SLC12A3: variants seen among roughly 807,000 people sequenced by gnomAD.
SLC12A3 encodes the protein solute carrier family 12 member 3.
A neutral mutation model predicts 121.0 loss-of-function variants in SLC12A3; 104 were observed. The observed-to-expected ratio is 0.86, with a 90% CI of 0.73 to 1.01. The LOEUF (loss-of-function observed/expected upper bound fraction) is 1.01, where lower values mean the gene tolerates loss of function less well. Ranked by LOEUF, SLC12A3 falls within the 50% of genes least tolerant of loss-of-function variation. SLC12A3 has a pLI of 0.00. For missense variants in SLC12A3, 1,328 were observed against 1,356.3 expected (o/e 0.98, Z 0.33); for synonymous variants, 536 against 533.4 (o/e 1.00, Z -0.07).
intron 10 of SLC12A3, 32 bp downstream of exon 10, chr16:56,879,259 A>G: frequency 1.9e-6 from 3 of 1,612,904 alleles, no homozygotes; most frequent in Non-Finnish European, 2.5e-6. Flanking sequence ...CACCAGACAC[A>G]GTGGGGGCTG....
chr16:56,885,010 G>A (rs558116250), intron 14 of SLC12A3, among the ~76,000 whole-genome samples: 5 of 152,108 alleles, frequency 3.3e-5, no homozygotes, highest in South Asian at 2.1e-4. Context: ...CAGGTGATTC[G>A]CCTGCCTCGG....
intron 18 of SLC12A3, 89 bp downstream of exon 18, chr16:56,888,120 A>C (rs1291902462): frequency 4.2e-6 from 4 of 945,618 alleles, no homozygotes; most frequent in Non-Finnish European, 6.7e-6. Context: ...GGGTGCTTAA[A>C]AAGTTGAGTC....
intron 19 of SLC12A3, among the ~76,000 whole-genome samples, chr16:56,891,542 C>T (rs923998674): frequency 5.3e-5 from 8 of 152,152 alleles, no homozygotes; most frequent in East Asian, 1.9e-4. Flanking sequence ...GTCTGGCACA[C>T]GGATGCCACC....
At chr16:56,893,956 T>G (rs112187764) in intron 21 of SLC12A3, among the ~76,000 whole-genome samples, 5 of 122,598 alleles carry the variant, frequency 4.1e-5, no homozygotes, top group African/African-American at 9.2e-5. Flanking sequence ...TTTTGTATTT[T>G]TATTTTTATT....
chr16:56,903,121 C>T (rs1241588170), intron 24 of SLC12A3, among the ~76,000 whole-genome samples: 3 of 151,802 alleles, frequency 2.0e-5, no homozygotes, highest in East Asian at 3.9e-4. Context: ...TGCACTCCAG[C>T]CTGGGTGACA....
intron 4 of SLC12A3, 55 bp from the exon 5 acceptor site, chr16:56,870,041 C>A: frequency 6.2e-7 from 1 of 1,605,356 alleles, no homozygotes. Context: ...TGCCCTGAGT[C>A]CACCCCAGCC....
In SLC12A3 at chr16:56,879,601, C is replaced by A. The variant is rs5801; in HGVS notation, c.1395C>A (p.Thr465=). ...PLITAGIFGA[T]LSSALACLVS... is the part of the protein sequence containing the mutation. ...TCACGGCTGGCATCTTCGGGGCCAC[C>A]CTCTCCTCTGCCCTGGCCTGCCTTG... The change falls in exon 11 of 26, where the codon ACC becomes ACA. Residue 465 remains threonine (T), a synonymous_variant. Transcript: ENST00000563236. The A allele has an allele frequency of 6.2e-7, 1 of 1,613,540 alleles. No homozygotes were observed.
At chr16:56,868,519 G>A (rs1347471148) in intron 3 of SLC12A3, 147 bp downstream of exon 3, 3 of 817,984 alleles carry the variant, frequency 3.7e-6, no homozygotes, top group African/African-American at 3.4e-5. Flanking sequence ...CTCCTCCCTG[G>A]TTCAGTCTCA....
chr16:56,912,114 G>A (rs544208203), intron 25 of SLC12A3, among the ~76,000 whole-genome samples: 128 of 152,344 alleles, frequency 8.4e-4, no homozygotes, highest in Non-Finnish European at 1.7e-3. Context: ...GCGGTGCTGC[G>A]GGCCCTGCCC....
chr16:56,879,795 A>C, intron 11 of SLC12A3, 146 bp downstream of exon 11: 1 of 696,028 alleles, frequency 1.4e-6, no homozygotes, highest in Non-Finnish European at 2.5e-6. Flanking sequence ...AGGAGCTATC[A>C]GCAAACTCTT....
intron 19 of SLC12A3, among the ~76,000 whole-genome samples, chr16:56,891,471 G>C (rs771063464): frequency 3.3e-5 from 5 of 152,034 alleles, no homozygotes; most frequent in Non-Finnish European, 5.9e-5. Context: ...TGGGAGCTTG[G>C]AGTCCGCGTC....
chr16:56,905,361 A>AG (rs2055594696), intron 25 of SLC12A3, among the ~76,000 whole-genome samples: 2 of 149,928 alleles, frequency 1.3e-5, no homozygotes, highest in African/African-American at 4.9e-5. Context: ...AAAAAAAAAA[A>AG]GAAGGAAGAA....
chr16:56,908,705 T>A (rs7185859), intron 25 of SLC12A3, among the ~76,000 whole-genome samples: 3,700 of 152,204 alleles, frequency 0.024, 141 homozygotes, highest in African/African-American at 0.077. Context: ...ACAAAGAAAG[T>A]GCCCCGTGTT....
At chr16:56,906,987 G>T in intron 25 of SLC12A3, 1 of 233,520 alleles carries the variant, frequency 4.3e-6, no homozygotes, top group Non-Finnish European at 8.3e-6. Flanking sequence ...TGCAGCCATT[G>T]TGGATTTTTT....
intron 14 of SLC12A3, among the ~76,000 whole-genome samples, chr16:56,884,411 CCCCTGGGCACCCAGGA>C (rs773136390): frequency 9.7e-4 from 147 of 152,316 alleles, no homozygotes; most frequent in Non-Finnish European, 2.9e-4. Context: ...CTCTAAGCCA[CCCCTGGGCACCCAGGA>C]CCCTGGAATC....
At chr16:56,867,651 C>T (rs1421273602) in intron 2 of SLC12A3, among the ~76,000 whole-genome samples, 1 of 152,182 alleles carries the variant, frequency 6.6e-6, no homozygotes, top group Non-Finnish European at 1.5e-5. Flanking sequence ...GATCTTAACG[C>T]TGCCAACTGG....
intron 23 of SLC12A3, among the ~76,000 whole-genome samples, chr16:56,901,345 C>CTTTTTTTTTTTTTTTTTTTTTTT (rs1408480661): frequency 1.2e-5 from 1 of 84,166 alleles, no homozygotes; most frequent in Admixed American, 1.2e-4. Flanking sequence ...ATCTCTCTCT[C>CTTTTTTTTTTTTTTTTTTTTTTT]TCTTTTTTTT....
intron 2 of SLC12A3, among the ~76,000 whole-genome samples, chr16:56,867,907 T>C (rs1401526179): frequency 1.3e-5 from 2 of 152,194 alleles, no homozygotes; most frequent in Admixed American, 6.5e-5. Context: ...TGCTCTTACA[T>C]GGGGCGCTGG....
At chr16:56,907,683 C>T (rs543591425) in intron 25 of SLC12A3, among the ~76,000 whole-genome samples, 3 of 152,218 alleles carry the variant, frequency 2.0e-5, no homozygotes, top group African/African-American at 7.2e-5. Context: ...TTTCTGTGTC[C>T]TCACTTGGCG....
Sources: allele counts gnomAD v4.1 joint callset (sites outside exome capture counted in the v4.1 genomes callset), GRCh38; gene constraint gnomAD v4.1.1; transcripts MANE v1.5; gene names NCBI Gene and HGNC (gene_info 2026-07-23, HGNC 2026-07-21).